The following CGNL1 variants were observed in gnomAD, a reference collection of about 807,000 sequenced individuals.
CGNL1 encodes cingulin like 1, also known as cingulin-like protein 1.
A neutral mutation model predicts 141.2 loss-of-function variants in CGNL1; 132 were observed. That is an observed-to-expected ratio of 0.93 (90% CI 0.81 to 1.08). The LOEUF is 1.08. CGNL1 is among the 50% of genes least tolerant of loss of function. The pLI is 0.00. For missense variants in CGNL1, 1,870 were observed against 1,588.6 expected (o/e 1.18, Z -3.01); for synonymous variants, 690 against 622.1 (o/e 1.11, Z -1.63).
intron 1 of CGNL1, among the ~76,000 whole-genome samples, 167 bp from the exon 2 acceptor site, chr15:57,437,818 C>T (rs1316144518): frequency 2.0e-5 from 3 of 152,192 alleles, no homozygotes; most frequent in African/African-American, 7.2e-5. Context: ...CCTGCTGGGT[C>T]ACCAGAGGGC....
intron 16 of CGNL1, among the ~76,000 whole-genome samples, chr15:57,544,919 A>G (rs1002225432): frequency 6.6e-5 from 10 of 152,168 alleles, no homozygotes; most frequent in African/African-American, 2.4e-4. Flanking sequence ...CTGCCTTGGA[A>G]GCTACAGAGT....
chr15:57,544,628 G>T, intron 16 of CGNL1, 31 bp downstream of exon 16: 2 of 1,553,916 alleles, frequency 1.3e-6, no homozygotes, highest in Non-Finnish European at 1.7e-6. Context: ...GCAGTGCGGA[G>T]GCCCCAGTGG....
At chr15:57,401,944 GA>G (rs1383260373) in intron 1 of CGNL1, 3 of 152,132 alleles carry the variant, frequency 2.0e-5, no homozygotes, top group South Asian at 2.1e-4. Context: ...GACTTCTATG[GA>G]CAATGTACCC....
At chr15:57,400,756 G>C (rs565182845) in intron 1 of CGNL1, among the ~76,000 whole-genome samples, 74 of 151,842 alleles carry the variant, frequency 4.9e-4, no homozygotes, top group African/African-American at 1.7e-3. Context: ...GGTGGCGCCT[G>C]CCTGTAATCC....
At chr15:57,506,174 G>A (rs1206054336) in intron 8 of CGNL1, among the ~76,000 whole-genome samples, 1 of 152,184 alleles carries the variant, frequency 6.6e-6, no homozygotes, top group East Asian at 1.9e-4. Context: ...GGAGTCTAAC[G>A]CTTGCATTTA....
At chr15:57,453,577 T>C (rs1234165253) in intron 6 of CGNL1, 106 bp from the exon 7 acceptor site, 19 of 1,442,308 alleles carry the variant, frequency 1.3e-5, no homozygotes, top group Non-Finnish European at 1.8e-5. Flanking sequence ...GGGAGGCTCC[T>C]TGGGGCTTTA....
chr15:57,482,171 C>T (rs909398153), intron 8 of CGNL1, among the ~76,000 whole-genome samples: 1 of 151,698 alleles, frequency 6.6e-6, no homozygotes, highest in Non-Finnish European at 1.5e-5. Flanking sequence ...TAGATATGAG[C>T]ACTTTGTCAA....
At chr15:57,501,757 A>G (rs954580493) in intron 8 of CGNL1, among the ~76,000 whole-genome samples, 10 of 152,102 alleles carry the variant, frequency 6.6e-5, no homozygotes, top group South Asian at 2.1e-4. Flanking sequence ...GGAGGCCCCT[A>G]GATGGGGAGG....
In CGNL1 at chr15:57,502,075, G is replaced by A. The variant is rs111879826; in HGVS notation, c.2404-14705G>A. 5.1e-3 allele frequency among the ~76,000 whole-genome samples: 770 copies of A among 152,306 alleles called. 8 individuals carry two copies. The highest frequency in any genetic ancestry group is 0.017 in the African/African-American group (726 of 41,548). On this transcript the variant is annotated intron_variant, in intron 8 of 18. Transcript: ENST00000281282. Reference sequence around the variant, plus strand: ...CTGATAGGCCCAACTTGCAGGGAGCGTTGTTTTGATTTTGGCCCCCATGCT... The same window carrying A: ...CTGATAGGCCCAACTTGCAGGGAGCATTGTTTTGATTTTGGCCCCCATGCT...
chr15:57,523,722 C>G, intron 11 of CGNL1, 81 bp downstream of exon 11: 1 of 1,469,072 alleles, frequency 6.8e-7, no homozygotes, highest in South Asian at 1.3e-5. Flanking sequence ...CTGGTGAAAG[C>G]CTGGGAAACC....
intron 1 of CGNL1, among the ~76,000 whole-genome samples, chr15:57,415,105 T>C (rs2062834526): frequency 6.6e-6 from 1 of 152,154 alleles, no homozygotes; most frequent in Non-Finnish European, 1.5e-5. Flanking sequence ...ATCAAATACA[T>C]CTCCTTATCT....
At chr15:57,515,767 G>A (rs16977561) in intron 8 of CGNL1, among the ~76,000 whole-genome samples, 24,362 of 152,068 alleles carry the variant, frequency 0.16, 2,326 homozygotes, top group East Asian at 0.45. Context: ...AGCTTACACT[G>A]TGAACTGTAT....
intron 14 of CGNL1, among the ~76,000 whole-genome samples, chr15:57,540,143 C>A (rs913160222): frequency 1.1e-4 from 16 of 152,182 alleles, no homozygotes; most frequent in African/African-American, 3.6e-4. Context: ...CTCTTTCTTA[C>A]CTCCTACTCT....
intron 4 of CGNL1, among the ~76,000 whole-genome samples, chr15:57,447,282 G>A (rs1436641140): frequency 1.3e-5 from 2 of 152,120 alleles, no homozygotes; most frequent in Non-Finnish European, 2.9e-5. Context: ...GTACTTCTGT[G>A]TTTCCATCTC....
chr15:57,485,641 T>G (rs1477470360), intron 8 of CGNL1, among the ~76,000 whole-genome samples: 1 of 152,230 alleles, frequency 6.6e-6, no homozygotes, highest in Non-Finnish European at 1.5e-5. Flanking sequence ...TGTGGAATTT[T>G]TTATTTTGTA....
intron 7 of CGNL1, among the ~76,000 whole-genome samples, chr15:57,456,454 A>T (rs1211669924): frequency 6.6e-6 from 1 of 151,980 alleles, no homozygotes; most frequent in East Asian, 1.9e-4. Context: ...TGGAGCAGCC[A>T]TTCTTTTGTT....
chr15:57,404,714 A>G (rs1468468180), intron 1 of CGNL1, among the ~76,000 whole-genome samples: 2 of 152,156 alleles, frequency 1.3e-5, no homozygotes, highest in Non-Finnish European at 2.9e-5. Context: ...TCTTCCCAGT[A>G]AAGAGGTCAT....
chr15:57,396,355 A>G (rs1388214324), intron 1 of CGNL1, among the ~76,000 whole-genome samples: 3 of 149,862 alleles, frequency 2.0e-5, no homozygotes, highest in South Asian at 2.1e-4. Context: ...GCTCACTGCA[A>G]CCTCCACCTC....
chr15:57,419,806 C>G (rs925077869), intron 1 of CGNL1, among the ~76,000 whole-genome samples: 3 of 152,190 alleles, frequency 2.0e-5, no homozygotes, highest in Non-Finnish European at 4.4e-5. Context: ...TCTTTCTATA[C>G]TCTAGCTTCT....
Sources: gnomAD v4.1 joint callset for allele counts (sites outside exome capture counted in the v4.1 genomes callset) on GRCh38, gnomAD v4.1.1 for gene constraint, MANE v1.5 for transcripts, NCBI Gene and HGNC (gene_info 2026-07-23, HGNC 2026-07-21) for gene names.